The following LRMDA variants were observed in gnomAD, a reference collection of about 807,000 sequenced individuals.
The protein encoded by LRMDA is leucine-rich melanocyte differentiation-associated protein.
Under a neutral mutation model 29.8 loss-of-function variants are expected in LRMDA, and 18 were observed. The ratio of observed to expected loss-of-function variants is 0.60; its 90% CI spans 0.42 to 0.90. LRMDA has a LOEUF of 0.90. Ranked by LOEUF, LRMDA falls within the 40% of genes least tolerant of loss-of-function variation. The pLI, the probability that LRMDA is intolerant of heterozygous loss-of-function variation, is 0.00. For missense variants in LRMDA, 273 were observed against 273.9 expected (o/e 1.00, Z 0.02); for synonymous variants, 125 against 109.4 (o/e 1.14, Z -0.89).
intron 2 of LRMDA, among the ~76,000 whole-genome samples, chr10:75,869,305 C>T (rs1254439288): frequency 6.6e-6 from 1 of 152,156 alleles, no homozygotes; most frequent in Non-Finnish European, 1.5e-5. Context: ...GAGACTGGAG[C>T]CTAGTTCTGG....
chr10:75,493,719 G>A (rs1468120788), intron 2 of LRMDA, among the ~76,000 whole-genome samples: 1 of 152,102 alleles, frequency 6.6e-6, no homozygotes, highest in Admixed American at 6.5e-5. Context: ...CATCCCCATG[G>A]GTGCAGGCTT....
intron 2 of LRMDA, among the ~76,000 whole-genome samples, chr10:75,726,259 G>C (rs1391588149): frequency 1.3e-5 from 2 of 152,164 alleles, no homozygotes; most frequent in Non-Finnish European, 2.9e-5. Context: ...TTGCAGTTGG[G>C]GTTGGTGGTG....
At chr10:75,660,070 CCT>C (rs367781609) in intron 2 of LRMDA, among the ~76,000 whole-genome samples, 2 of 150,936 alleles carry the variant, frequency 1.3e-5, no homozygotes, top group Non-Finnish European at 1.5e-5. Flanking sequence ...TGTCTTTCTC[CCT>C]CTCTCTCTCT....
chr10:76,309,815 A>C (rs1184191081), intron 5 of LRMDA, among the ~76,000 whole-genome samples: 1 of 152,148 alleles, frequency 6.6e-6, no homozygotes, highest in African/African-American at 2.4e-5. Context: ...TTTTACAACA[A>C]GCCAGCGCAT....
chr10:76,143,994 A>G (rs1850260031), intron 5 of LRMDA, among the ~76,000 whole-genome samples: 1 of 152,126 alleles, frequency 6.6e-6, no homozygotes, highest in African/African-American at 2.4e-5. Flanking sequence ...TAAAGATCAG[A>G]TAGTTGTAGA....
intron 2 of LRMDA, among the ~76,000 whole-genome samples, chr10:75,706,243 A>ATT (rs11399334): frequency 8.4e-4 from 126 of 149,782 alleles, no homozygotes; most frequent in Non-Finnish European, 1.4e-3. Flanking sequence ...TTTCTCACAT[A>ATT]TTTTTTTTTT....
At chr10:75,454,111 C>T (rs1007606331) in intron 2 of LRMDA, among the ~76,000 whole-genome samples, 3 of 152,190 alleles carry the variant, frequency 2.0e-5, no homozygotes, top group Admixed American at 6.5e-5. Context: ...TTCTTGGCTT[C>T]TCTGTGTAGC....
At chr10:76,217,615 T>C (rs1194891127) in intron 5 of LRMDA, among the ~76,000 whole-genome samples, 1 of 152,170 alleles carries the variant, frequency 6.6e-6, no homozygotes, top group African/African-American at 2.4e-5. Flanking sequence ...AAGAAGAGAA[T>C]GTTATTTTCT....
chr10:76,235,442 A>G (rs1372619296), intron 5 of LRMDA, among the ~76,000 whole-genome samples: 1 of 152,176 alleles, frequency 6.6e-6, no homozygotes, highest in African/African-American at 2.4e-5. Flanking sequence ...GTGTTGGTAG[A>G]CTTACTAGAT....
At chr10:76,239,187 G>A (rs1487487786) in intron 5 of LRMDA, among the ~76,000 whole-genome samples, 1 of 152,152 alleles carries the variant, frequency 6.6e-6, no homozygotes, top group Non-Finnish European at 1.5e-5. Flanking sequence ...GTGATAGGGG[G>A]TGGCCAGCTG....
At chr10:76,007,442 A>G (rs1198924279) in intron 2 of LRMDA, among the ~76,000 whole-genome samples, 1 of 152,106 alleles carries the variant, frequency 6.6e-6, no homozygotes, top group African/African-American at 2.4e-5. Context: ...CCCCCCAACC[A>G]TAATTGATCT....
chr10:75,791,856 CTTTTTTTTTTTT>C (rs5786188), intron 2 of LRMDA, among the ~76,000 whole-genome samples: 5 of 102,066 alleles, frequency 4.9e-5, no homozygotes, highest in Non-Finnish European at 1.0e-4. Context: ...ATTCCAGGAT[CTTTTTTTTTTTT>C]TTTTTTTTTG....
intron 5 of LRMDA, among the ~76,000 whole-genome samples, chr10:76,129,001 T>C (rs1418808967): frequency 6.6e-6 from 1 of 152,212 alleles, no homozygotes. Flanking sequence ...CATATGAAAG[T>C]GATAAATAAT....
intron 5 of LRMDA, among the ~76,000 whole-genome samples, chr10:76,154,923 G>A (rs1237622111): frequency 2.6e-5 from 4 of 152,106 alleles, no homozygotes; most frequent in Middle Eastern, 6.3e-3. Flanking sequence ...AATGCAAAAA[G>A]AAGGAGAAAG....
intron 2 of LRMDA, among the ~76,000 whole-genome samples, chr10:75,555,526 C>A (rs1001047741): frequency 5.3e-5 from 8 of 152,098 alleles, no homozygotes; most frequent in Admixed American, 4.6e-4. Flanking sequence ...TCCACACTGG[C>A]TAGATAAGGC....
At chr10:75,559,062 G>A (rs1840255803) in intron 2 of LRMDA, among the ~76,000 whole-genome samples, 1 of 150,604 alleles carries the variant, frequency 6.6e-6, no homozygotes, top group African/African-American at 2.4e-5. Context: ...TGAGATGGCT[G>A]GGTCAAATGG....
intron 2 of LRMDA, among the ~76,000 whole-genome samples, chr10:75,570,625 G>A (rs1301443792): frequency 5.3e-5 from 8 of 152,188 alleles, no homozygotes; most frequent in Non-Finnish European, 1.0e-4. Context: ...TAACAGTGGG[G>A]TTTTTAGTCC....
intron 2 of LRMDA, among the ~76,000 whole-genome samples, chr10:75,521,224 A>G (rs891688031): frequency 1.3e-5 from 2 of 152,170 alleles, no homozygotes; most frequent in Non-Finnish European, 2.9e-5. Context: ...TGCTGGGAGA[A>G]CCACTGCTCT....
chr10:76,297,679 C>T (rs1240945439), intron 5 of LRMDA, among the ~76,000 whole-genome samples: 1 of 152,180 alleles, frequency 6.6e-6, no homozygotes, highest in Non-Finnish European at 1.5e-5. Context: ...ATATGGGCAG[C>T]TGGTTTGGAC....
Sources: allele counts gnomAD v4.1 joint callset (sites outside exome capture counted in the v4.1 genomes callset), GRCh38; gene constraint gnomAD v4.1.1; transcripts MANE v1.5; gene names NCBI Gene and HGNC (gene_info 2026-07-23, HGNC 2026-07-21).